HMGCLL1: variants seen among roughly 807,000 people sequenced by gnomAD.
HMGCLL1 encodes 3-hydroxymethyl-3-methylglutaryl-CoA lyase, cytoplasmic.
HMGCLL1 carries 36 observed loss-of-function variants against 39.1 expected under a neutral mutation model. The observed-to-expected ratio is 0.92, with a 90% CI of 0.71 to 1.22. HMGCLL1 has a LOEUF of 1.22. HMGCLL1 is among the 50% of genes most tolerant of loss of function. The pLI is 0.00. For synonymous variants in HMGCLL1, 149 were observed against 144.0 expected (o/e 1.03, Z -0.25); for missense variants, 451 against 416.5 (o/e 1.08, Z -0.72).
chr6:55,503,704 G>A (rs4386822), intron 5 of HMGCLL1, among the ~76,000 whole-genome samples: 105,209 of 151,498 alleles, frequency 0.69, 36,557 homozygotes, highest in Non-Finnish European at 0.72. Context: ...AGTGGTCATC[G>A]TCCCTATTTC....
chr6:55,536,221 A>G (rs1356157741), intron 3 of HMGCLL1, among the ~76,000 whole-genome samples: 1 of 152,156 alleles, frequency 6.6e-6, no homozygotes, highest in Admixed American at 6.5e-5. Flanking sequence ...TTCTACTTTT[A>G]TTAAAAAAAT....
the HMGCLL1 span, among the ~76,000 whole-genome samples, chr6:55,665,986 A>G: frequency 1.3e-5 from 2 of 151,762 alleles, no homozygotes; most frequent in Admixed American, 6.6e-5. Context: ...GTCTCACAAT[A>G]ACCATATGAG....
chr6:55,608,540 G>A, the HMGCLL1 span, among the ~76,000 whole-genome samples: 9 of 152,192 alleles, frequency 5.9e-5, no homozygotes, highest in Admixed American at 4.6e-4. Flanking sequence ...GGGCAGCCAA[G>A]AAGGCCAGTT....
intron 7 of HMGCLL1, among the ~76,000 whole-genome samples, chr6:55,472,560 C>G (rs1431417042): frequency 6.6e-6 from 1 of 151,134 alleles, no homozygotes; most frequent in Non-Finnish European, 1.5e-5. Context: ...ATATCTTTTC[C>G]CACATTGTGA....
intron 7 of HMGCLL1, among the ~76,000 whole-genome samples, chr6:55,479,212 G>A (rs1035571538): frequency 7.3e-5 from 11 of 151,550 alleles, no homozygotes; most frequent in Non-Finnish European, 1.3e-4. Flanking sequence ...GGAAAGTCCT[G>A]TGGCAGCCTT....
At chr6:55,671,923 G>T in the HMGCLL1 span, among the ~76,000 whole-genome samples, 5 of 151,632 alleles carry the variant, frequency 3.3e-5, no homozygotes, top group African/African-American at 1.2e-4. Context: ...TAATACAAAA[G>T]AAAGTGAAGA....
At chr6:55,577,657 ATAT>A (rs932543213) in intron 1 of HMGCLL1, among the ~76,000 whole-genome samples, 3 of 152,218 alleles carry the variant, frequency 2.0e-5, no homozygotes, top group Non-Finnish European at 4.4e-5. Context: ...GAGAAATATA[ATAT>A]TCACTCAAAA....
At chr6:55,560,330 T>C (rs4144580) in intron 1 of HMGCLL1, among the ~76,000 whole-genome samples, 64,929 of 151,476 alleles carry the variant, frequency 0.43, 13,942 homozygotes, top group East Asian at 0.55. Flanking sequence ...AAATGACGCC[T>C]AGTGGCTCTG....
intron 7 of HMGCLL1, among the ~76,000 whole-genome samples, chr6:55,469,467 ATGTG>A (rs145549028): frequency 3.4e-5 from 5 of 146,480 alleles, no homozygotes; most frequent in African/African-American, 1.0e-4. Flanking sequence ...ATGTGTATAT[ATGTG>A]TGTGTGTGTG....
At chr6:55,486,263 A>G (rs1357327568) in intron 7 of HMGCLL1, among the ~76,000 whole-genome samples, 1 of 151,984 alleles carries the variant, frequency 6.6e-6, no homozygotes. Context: ...TTTTTAAATT[A>G]TTGGAAAACA....
At chr6:55,478,473 T>C (rs1434105155) in intron 7 of HMGCLL1, among the ~76,000 whole-genome samples, 1 of 151,484 alleles carries the variant, frequency 6.6e-6, no homozygotes, top group East Asian at 1.9e-4. Context: ...TTTACACATT[T>C]ACTGAGCAGT....
chr6:55,587,922 C>T, the HMGCLL1 span, among the ~76,000 whole-genome samples: 2 of 152,096 alleles, frequency 1.3e-5, no homozygotes, highest in African/African-American at 4.8e-5. Context: ...TAGAGACCTA[C>T]AAAGAGACGT....
intron 7 of HMGCLL1, among the ~76,000 whole-genome samples, chr6:55,461,172 CTATT>C (rs758004863): frequency 2.6e-5 from 4 of 151,682 alleles, no homozygotes; most frequent in Non-Finnish European, 4.4e-5. Flanking sequence ...TAATGATCTA[CTATT>C]TATTTTTTTT....
chr6:55,613,142 A>G, the HMGCLL1 span, among the ~76,000 whole-genome samples: 1 of 152,316 alleles, frequency 6.6e-6, no homozygotes, highest in African/African-American at 2.4e-5. Context: ...AAGGACATGA[A>G]CAGACAGTTC....
At chr6:55,661,094 C>A in the HMGCLL1 span, among the ~76,000 whole-genome samples, 2 of 151,764 alleles carry the variant, frequency 1.3e-5, no homozygotes, top group Non-Finnish European at 2.9e-5. Context: ...TGTTTAAGTT[C>A]CCTATAAATG....
At chr6:55,460,489 T>C (rs915606142) in intron 7 of HMGCLL1, among the ~76,000 whole-genome samples, 1 of 151,906 alleles carries the variant, frequency 6.6e-6, no homozygotes, top group African/African-American at 2.4e-5. Flanking sequence ...TTATAAACAT[T>C]ATAACAAAAA....
intron 3 of HMGCLL1, among the ~76,000 whole-genome samples, chr6:55,541,037 A>C (rs1392622383): frequency 6.6e-6 from 1 of 152,164 alleles, no homozygotes; most frequent in Admixed American, 6.6e-5. Flanking sequence ...AGTGAAACTA[A>C]GTGCTGTGGA....
chr6:55,503,156 A>G (rs2127429362), intron 5 of HMGCLL1, among the ~76,000 whole-genome samples: 1 of 151,222 alleles, frequency 6.6e-6, no homozygotes, highest in African/African-American at 2.4e-5. Context: ...TTCTGCCCTT[A>G]CCCTGTGGAA....
intron 5 of HMGCLL1, among the ~76,000 whole-genome samples, chr6:55,501,030 C>T (rs1766852563): frequency 6.6e-6 from 1 of 151,870 alleles, no homozygotes; most frequent in Non-Finnish European, 1.5e-5. Context: ...TTGACAGAAC[C>T]TTAACTCTTT....
Sources: allele counts gnomAD v4.1 joint callset (sites outside exome capture counted in the v4.1 genomes callset), GRCh38; gene constraint gnomAD v4.1.1; transcripts MANE v1.5; gene names NCBI Gene and HGNC (gene_info 2026-07-23, HGNC 2026-07-21).